The following GPR107 variants were observed in gnomAD, a reference collection of about 807,000 sequenced individuals.
GPR107 encodes the protein protein GPR107.
A neutral mutation model predicts 75.5 loss-of-function variants in GPR107; 31 were observed. That is an observed-to-expected ratio of 0.41 (90% CI 0.31 to 0.55). The LOEUF is 0.55. Ranked by LOEUF, GPR107 falls within the 20% of genes least tolerant of loss-of-function variation. The probability of loss-of-function intolerance (pLI) is 0.26; values close to 1 mark genes in which losing one functional copy is unlikely to be tolerated. For missense variants in GPR107, 572 were observed against 665.7 expected (o/e 0.86, Z 1.55); for synonymous variants, 267 against 251.3 (o/e 1.06, Z -0.59).
intron 13 of GPR107, among the ~76,000 whole-genome samples, chr9:130,105,756 T>C (rs937419494): frequency 2.0e-5 from 3 of 151,942 alleles, no homozygotes; most frequent in African/African-American, 4.8e-5. Flanking sequence ...GCTACCAGCA[T>C]AGAAGAGAGT....
rs67798085 is a variant in GPR107 at position 130,097,150 on chromosome 9, T to TCTTTC, written c.864-2307_864-2306insCTTTC. ...TAATTTCTTTTCTTTACTTTTCTTT[T>TCTTTC]TTTTCTTTTTTTTTTTTTTTTTGAG... is the stretch of plus-strand genomic sequence containing the variant. On this transcript the variant is annotated intron_variant, in intron 9 of 17. Coordinates refer to ENST00000347136, the MANE Select transcript of GPR107 (RefSeq NM_020960.5). Among the ~76,000 whole-genome samples the TCTTTC allele has an allele frequency of 1.5e-4, 8 of 51,990 alleles. 2 individuals are homozygous for TCTTTC. The highest frequency in any genetic ancestry group is 5.5e-4 in the Admixed American group (2 of 3,604). The allele number at this position is 51,990 out of a possible 152,430, so 34.1% of individuals were successfully genotyped here.
intron 9 of GPR107, among the ~76,000 whole-genome samples, chr9:130,097,912 C>A (rs115826373): frequency 6.6e-6 from 1 of 151,954 alleles, no homozygotes; most frequent in African/African-American, 2.4e-5. Flanking sequence ...GACAGGGACT[C>A]GCTCTGTCAC....
intron 3 of GPR107, among the ~76,000 whole-genome samples, chr9:130,076,886 G>GTTTTTTTT (rs201956124): frequency 7.3e-6 from 1 of 136,124 alleles, no homozygotes. Flanking sequence ...GTTTACTTTT[G>GTTTTTTTT]TTTTTTGTTT....
Position 130,137,121 on chromosome 9 carries a change from C to G in GPR107, c.*2000C>G, listed in dbSNP as rs1189340431. 6.6e-6 allele frequency: 1 copy of G among 152,244 alleles called. No individual in the cohort carries two copies. Among genetic ancestry groups the G allele is most frequent in the African/African-American group, 2.4e-5 (1 of 41,460 alleles). 9.4% of individuals were successfully genotyped at this position (152,244 alleles called of 1,614,324 possible). A position where few individuals can be genotyped will look rare whatever the true frequency, so the allele number is the denominator to read the frequency against. On this transcript the variant is annotated 3_prime_UTR_variant, in exon 18 of 18. Coordinates refer to ENST00000347136, the MANE Select transcript of GPR107 (RefSeq NM_020960.5). Reference sequence around the variant, plus strand: ...ACACATTTGCTGTTTCTCCCGCAAGCAGATGTTGTGGATGAGGCGATAGAC... The same window carrying G: ...ACACATTTGCTGTTTCTCCCGCAAGGAGATGTTGTGGATGAGGCGATAGAC...
chr9:130,069,798 G>C (rs984096630), intron 1 of GPR107, among the ~76,000 whole-genome samples: 6 of 151,934 alleles, frequency 3.9e-5, no homozygotes, highest in South Asian at 2.1e-4. Context: ...CGATTCTCTT[G>C]CCTCAGCTTC....
chr9:130,105,922 A>C (rs568016078), intron 13 of GPR107, among the ~76,000 whole-genome samples: 1 of 152,088 alleles, frequency 6.6e-6, no homozygotes, highest in East Asian at 1.9e-4. Flanking sequence ...AGCCTCCCAA[A>C]GTGCTGGGAT....
At position 130,099,464 on chromosome 9, in the gene GPR107, G is replaced by A; in HGVS notation, c.871G>A (p.Val291Ile). The change falls in exon 10 of 18, where the codon GTA (valine) becomes ATA (isoleucine). Residue 291 changes from valine to isoleucine, a missense_variant. Coordinates refer to ENST00000347136, the MANE Select transcript of GPR107 (RefSeq NM_020960.5). ...TTCTCTCTGTTTTTATAGGAATGAT[G>A]TATTTAAAATCCACTGGCTGATGGC... ...IHILRKRRND[V>I]FKIHWLMAAL... The A allele has an allele frequency of 1.3e-6, 2 of 1,577,274 alleles. No homozygotes were observed. The highest frequency in any genetic ancestry group is 1.7e-6 in the Non-Finnish European group (2 of 1,146,586).
chr9:130,110,867 A>G (rs1006518837), intron 14 of GPR107, among the ~76,000 whole-genome samples: 1 of 152,192 alleles, frequency 6.6e-6, no homozygotes, highest in South Asian at 2.1e-4. Context: ...TCTGGAGGCA[A>G]CTAGGAGCAC....
chr9:130,130,035 C>T (rs934052187), intron 17 of GPR107: 1 of 152,170 alleles, frequency 6.6e-6, no homozygotes, highest in Non-Finnish European at 1.5e-5. Flanking sequence ...TGTTTTGGTG[C>T]TTCTTTGACA....
At chr9:130,101,923 A>G (rs919730587) in intron 12 of GPR107, among the ~76,000 whole-genome samples, 3 of 152,314 alleles carry the variant, frequency 2.0e-5, no homozygotes, top group African/African-American at 2.4e-5. Flanking sequence ...GGAAGGGGAC[A>G]ACTCCTGAGG....
chr9:130,119,353 C>T (rs952818837), intron 14 of GPR107, among the ~76,000 whole-genome samples: 14 of 152,196 alleles, frequency 9.2e-5, no homozygotes, highest in African/African-American at 3.1e-4. Context: ...CGCTGTGACA[C>T]AGTATATGCT....
intron 17 of GPR107, 179 bp downstream of exon 17, chr9:130,128,940 G>A (rs1831752411): frequency 3.4e-6 from 2 of 581,676 alleles, no homozygotes; most frequent in African/African-American, 3.8e-5. Flanking sequence ...TTGAAGTACA[G>A]TATCTGCCAA....
chr9:130,131,849 C>T (rs1302452333), intron 17 of GPR107, among the ~76,000 whole-genome samples: 2 of 152,108 alleles, frequency 1.3e-5, no homozygotes, highest in East Asian at 3.9e-4. Flanking sequence ...GGTGGCTGAC[C>T]TCTTCACTCC....
At chr9:130,131,258 C>T (rs1041270241) in intron 17 of GPR107, among the ~76,000 whole-genome samples, 2 of 152,146 alleles carry the variant, frequency 1.3e-5, no homozygotes, top group African/African-American at 2.4e-5. Flanking sequence ...CCGTTGCGGG[C>T]GCCCTGTCTG....
At chr9:130,094,094 C>T (rs537279501) in intron 9 of GPR107, among the ~76,000 whole-genome samples, 47 of 151,934 alleles carry the variant, frequency 3.1e-4, no homozygotes, top group African/African-American at 9.9e-4. Context: ...GGATTACAGG[C>T]GTGAGCCACC....
At chr9:130,076,655 C>T (rs535981986) in intron 3 of GPR107, among the ~76,000 whole-genome samples, 193 bp downstream of exon 3, 1 of 152,216 alleles carries the variant, frequency 6.6e-6, no homozygotes, top group South Asian at 2.1e-4. Flanking sequence ...GCTGGGACTA[C>T]CAGCGTGTGC....
At chr9:130,102,841 A>G (rs1193191073) in intron 12 of GPR107, among the ~76,000 whole-genome samples, 1 of 152,208 alleles carries the variant, frequency 6.6e-6, no homozygotes. Context: ...GCTGGAGTAC[A>G]GTGGTGATCA....
chr9:130,126,017 A>C (rs1370513508), intron 15 of GPR107, among the ~76,000 whole-genome samples: 1 of 149,570 alleles, frequency 6.7e-6, no homozygotes, highest in South Asian at 2.1e-4. Context: ...ATAGAGTGCC[A>C]CTGCACTCCA....
chr9:130,071,041 T>TTC (rs1554891210), intron 1 of GPR107, among the ~76,000 whole-genome samples: 2 of 141,932 alleles, frequency 1.4e-5, no homozygotes, highest in South Asian at 2.4e-4. Flanking sequence ...TTTTCTTTTT[T>TTC]TTTTTTTTTT....
Sources: gnomAD v4.1 joint callset for allele counts (sites outside exome capture counted in the v4.1 genomes callset) on GRCh38, gnomAD v4.1.1 for gene constraint, MANE v1.5 for transcripts, NCBI Gene and HGNC (gene_info 2026-07-23, HGNC 2026-07-21) for gene names.